Variants in OBP2B observed in about 807,000 individuals in gnomAD.
OBP2B encodes odorant-binding protein 2b.
In OBP2B, 10 loss-of-function variants were observed where a neutral mutation model predicts 21.7. The observed-to-expected ratio is 0.46, with a 90% confidence interval of 0.28 to 0.78. OBP2B has a LOEUF of 0.78. Ranked by LOEUF, OBP2B falls within the 30% of genes least tolerant of loss-of-function variation. OBP2B has a pLI of 0.11. For synonymous variants in OBP2B, 73 were observed against 91.5 expected (o/e 0.80, Z 1.16); for missense variants, 153 against 217.7 (o/e 0.70, Z 1.87).
chr9:133,209,680 G>A (rs1324775643), upstream of OBP2B, among the ~76,000 whole-genome samples: 2 of 152,110 alleles, frequency 1.3e-5, no homozygotes, highest in African/African-American at 2.4e-5. The surrounding 1 kb of genome is among the most constrained non-coding windows in gnomAD (Gnocchi z 6.0). Flanking sequence ...CCAGAGAGAC[G>A]TGGGGCTGCT....
intron 6 of OBP2B, 63 bp downstream of exon 6, chr9:133,205,854 C>G (rs1438556433): frequency 6.2e-7 from 1 of 1,612,706 alleles, no homozygotes; most frequent in Admixed American, 1.7e-5. Flanking sequence ...AGCAGATGTA[C>G]CCTCGAACCC....
rs1231433016 is a variant in OBP2B at position 133,208,586 on chromosome 9, T to C, written c.89A>G (p.Tyr30Cys). 2 of 1,610,662 alleles carry C rather than the reference T, an allele frequency of 1.2e-6. No homozygotes were observed. Among genetic ancestry groups the C allele is most frequent in the Non-Finnish European group, 8.5e-7 (1 of 1,178,044 alleles). ...CTTATCGACCACCATGGCCTTCACG[T>C]ACCAGGTCCCTGTGATCTGGAGCAG... is the stretch of plus-strand genomic sequence containing the variant. ...LEEEDITGTW[Y>C]VKAMVVDKDF... The change falls in exon 2 of 7, where the codon TAC (tyrosine) becomes TGC (cysteine). Residue 30 changes from tyrosine to cysteine, a missense_variant. Physicochemically the swap from Tyr to Cys is radical, Grantham distance 194 (BLOSUM62 -2). Transcript: ENST00000372034.
At chr9:133,207,390 T>G (rs1488970054) in intron 3 of OBP2B, 54 bp from the exon 4 acceptor site, 9 of 1,208,338 alleles carry the variant, frequency 7.4e-6, no homozygotes, top group Admixed American at 3.6e-5. Flanking sequence ...CGGGGCCACA[T>G]GAAGAAACAC....
the OBP2B span, among the ~76,000 whole-genome samples, chr9:133,218,110 G>A: frequency 3.9e-5 from 6 of 152,302 alleles, no homozygotes; most frequent in East Asian, 1.9e-4. Context: ...GAACAGCCCC[G>A]CCAAGGTGGC....
chr9:133,205,539 C>A, intron 6 of OBP2B, 128 bp from the exon 7 acceptor site: 1 of 657,398 alleles, frequency 1.5e-6, no homozygotes, highest in South Asian at 2.0e-5. Context: ...GGCTCCAGAG[C>A]GACCTCAGCT....
In OBP2B at chr9:133,207,660, G is replaced by A. The variant is rs567460124; in HGVS notation, c.278-324C>T. 6.7e-5 allele frequency among the ~76,000 whole-genome samples: 10 copies of A among 149,514 alleles called. No individual in the cohort carries two copies. In the East Asian group the frequency reaches 9.8e-4, roughly 15 times the overall value. On this transcript the variant is annotated intron_variant, in intron 3 of 6. Coordinates refer to ENST00000372034, the MANE Select transcript of OBP2B (RefSeq NM_014581.4). ...TCCCCATCTCTAATCCTCAGCTTCC[G>A]CAGCACTAACCCTCGGCCTCCCCAT... is the stretch of plus-strand genomic sequence containing the variant.
At chr9:133,212,175 A>G (rs1833922563), upstream of OBP2B, among the ~76,000 whole-genome samples, 2 of 152,254 alleles carry the variant, frequency 1.3e-5, no homozygotes, top group South Asian at 2.1e-4. Context: ...ACCAAACATT[A>G]GCTGCACAAT....
At chr9:133,217,878 C>T in the OBP2B span, among the ~76,000 whole-genome samples, 1 of 152,246 alleles carries the variant, frequency 6.6e-6, no homozygotes, top group Non-Finnish European at 1.5e-5. Context: ...TAACTGCCCT[C>T]GTGCAATCCT....
the OBP2B span, among the ~76,000 whole-genome samples, chr9:133,219,069 T>C: frequency 6.6e-6 from 1 of 152,242 alleles, no homozygotes; most frequent in Non-Finnish European, 1.5e-5. Flanking sequence ...CTGGGACAAC[T>C]GGATGTCCAC....
At chr9:133,206,005 C>A (rs1205777947) in intron 5 of OBP2B, 65 bp from the exon 6 acceptor site, 2 of 1,611,590 alleles carry the variant, frequency 1.2e-6, no homozygotes, top group African/African-American at 2.7e-5. Context: ...GACCCCATCG[C>A]AGCCCAGAGC....
At chr9:133,219,298 T>C in the OBP2B span, among the ~76,000 whole-genome samples, 1 of 152,218 alleles carries the variant, frequency 6.6e-6, no homozygotes, top group East Asian at 1.9e-4. Context: ...CTTTTGTACG[T>C]CAGTGGACAC....
At chr9:133,210,259 C>T (rs531450946), upstream of OBP2B, among the ~76,000 whole-genome samples, 5 of 152,312 alleles carry the variant, frequency 3.3e-5, no homozygotes, top group East Asian at 1.9e-4. Context: ...GGCTGACCCA[C>T]GCTCTGCAGG....
chr9:133,207,938 G>A (rs782802703), intron 3 of OBP2B, 195 bp downstream of exon 3: 30 of 1,534,282 alleles, frequency 2.0e-5, no homozygotes, highest in African/African-American at 1.1e-4. Context: ...TCTCGACTGC[G>A]GACAAGCCTG....
At chr9:133,208,837 C>G (rs1240951161) in intron 1 of OBP2B, among the ~76,000 whole-genome samples, 10 of 152,018 alleles carry the variant, frequency 6.6e-5, no homozygotes, top group African/African-American at 2.2e-4. Flanking sequence ...CATGGACCCC[C>G]GGGCCCCAGC....
At chr9:133,214,435 G>C in the OBP2B span, among the ~76,000 whole-genome samples, 1 of 152,246 alleles carries the variant, frequency 6.6e-6, no homozygotes, top group African/African-American at 2.4e-5. Context: ...CTGAGCGAAG[G>C]GGTTTAAGGA....
At chr9:133,221,669 G>T in the OBP2B span, among the ~76,000 whole-genome samples, 2 of 152,208 alleles carry the variant, frequency 1.3e-5, no homozygotes, top group African/African-American at 4.8e-5. Context: ...CAATGGAGAT[G>T]TTCCATCCTG....
At chr9:133,214,634 G>T in the OBP2B span, among the ~76,000 whole-genome samples, 8 of 152,212 alleles carry the variant, frequency 5.3e-5, no homozygotes, top group African/African-American at 1.9e-4. Flanking sequence ...GGGTCTCTCT[G>T]CCTGGTTTGT....
chr9:133,221,133 A>G, the OBP2B span, among the ~76,000 whole-genome samples: 1 of 152,172 alleles, frequency 6.6e-6, no homozygotes, highest in Admixed American at 6.5e-5. Context: ...GGGTTTTTTG[A>G]CCAACAAATG....
chr9:133,206,484 G>T, intron 4 of OBP2B, 68 bp from the exon 5 acceptor site: 2 of 1,523,380 alleles, frequency 1.3e-6, no homozygotes, highest in Non-Finnish European at 9.1e-7. Context: ...AGCAGATGCC[G>T]AAAGGAGACG....
Sources: gnomAD v4.1 joint callset for allele counts (sites outside exome capture counted in the v4.1 genomes callset) on GRCh38, gnomAD v4.1.1 for gene constraint, Gnocchi (gnomAD v3.1) non-coding constraint, MANE v1.5 for transcripts, NCBI Gene and HGNC (gene_info 2026-07-23, HGNC 2026-07-21) for gene names.